Variants in GLRA3 observed in about 807,000 individuals in gnomAD.
GLRA3 encodes the protein glycine receptor alpha 3.
In GLRA3, 44 loss-of-function variants were observed where a neutral mutation model predicts 60.4. That is an observed-to-expected ratio of 0.73 (90% confidence interval 0.57 to 0.94). The LOEUF (loss-of-function observed/expected upper bound fraction) is 0.94, where lower values mean the gene tolerates loss of function less well. GLRA3 is among the 40% of genes least tolerant of loss of function. The pLI, the probability that GLRA3 is intolerant of heterozygous loss-of-function variation, is 0.00. For synonymous variants in GLRA3, 223 were observed against 192.9 expected, an observed-to-expected ratio of 1.16 and a Z score of -1.29; for missense variants, 508 against 564.6, an observed-to-expected ratio of 0.90 and a Z score of 1.02.
intron 2 of GLRA3, among the ~76,000 whole-genome samples, chr4:174,770,173 A>G (rs1738321654): frequency 6.6e-6 from 1 of 152,138 alleles, no homozygotes; most frequent in South Asian, 2.1e-4. Flanking sequence ...GGAAAAATCA[A>G]TAAAATTATT....
At chr4:174,797,189 T>A (rs1385605162) in intron 1 of GLRA3, among the ~76,000 whole-genome samples, 1 of 152,226 alleles carries the variant, frequency 6.6e-6, no homozygotes, top group African/African-American at 2.4e-5. Flanking sequence ...GAATTTTGGA[T>A]AAGAAACTTT....
chr4:174,752,588 A>C (rs1409903627), intron 3 of GLRA3, among the ~76,000 whole-genome samples: 1 of 152,112 alleles, frequency 6.6e-6, no homozygotes, highest in Non-Finnish European at 1.5e-5. Flanking sequence ...ACTATTCCGA[A>C]AGTTTGACGA....
At chr4:174,824,611 AT>A (rs1349268724) in intron 1 of GLRA3, among the ~76,000 whole-genome samples, 1 of 152,182 alleles carries the variant, frequency 6.6e-6, no homozygotes, top group Non-Finnish European at 1.5e-5. Flanking sequence ...CTTCAACTGA[AT>A]TTGACAGTCA....
chr4:174,811,385 G>A (rs1259995730), intron 1 of GLRA3, among the ~76,000 whole-genome samples: 4 of 152,024 alleles, frequency 2.6e-5, no homozygotes, highest in African/African-American at 9.7e-5. Flanking sequence ...AGAGTCACAA[G>A]AGTAATTATT....
At chr4:174,725,803 T>C (rs1426402103) in intron 4 of GLRA3, among the ~76,000 whole-genome samples, 5 of 152,198 alleles carry the variant, frequency 3.3e-5, no homozygotes, top group African/African-American at 1.2e-4. Flanking sequence ...CATTTGGATG[T>C]TGCTATCAGT....
intron 3 of GLRA3, among the ~76,000 whole-genome samples, chr4:174,743,879 C>T (rs959915284): frequency 3.3e-5 from 5 of 152,070 alleles, no homozygotes; most frequent in African/African-American, 1.2e-4. Flanking sequence ...AGCTCTGTGC[C>T]TGGGTTTATG....
At chr4:174,758,411 A>G (rs7689166) in intron 3 of GLRA3, among the ~76,000 whole-genome samples, 88,592 of 151,864 alleles carry the variant, frequency 0.58, 25,995 homozygotes, top group Middle Eastern at 0.73. Flanking sequence ...AATCTAATCT[A>G]TTCATAAGAA....
intron 1 of GLRA3, among the ~76,000 whole-genome samples, chr4:174,790,648 A>T (rs975287554): frequency 1.3e-5 from 2 of 151,756 alleles, no homozygotes; most frequent in Non-Finnish European, 1.5e-5. Context: ...ATTTATCTTG[A>T]CCTGAACCAA....
At chr4:174,656,538 C>T (rs1186694518) in intron 9 of GLRA3, among the ~76,000 whole-genome samples, 3 of 151,892 alleles carry the variant, frequency 2.0e-5, no homozygotes, top group African/African-American at 7.3e-5. Flanking sequence ...TTTAAATATC[C>T]TTTTATTGAT....
At chr4:174,818,898 A>C (rs572100749) in intron 1 of GLRA3, among the ~76,000 whole-genome samples, 1 of 152,326 alleles carries the variant, frequency 6.6e-6, no homozygotes, top group Admixed American at 6.5e-5. Flanking sequence ...TAGTTAATGC[A>C]TATTAGATTG....
At chr4:174,772,380 C>CT (rs1738425320) in intron 2 of GLRA3, among the ~76,000 whole-genome samples, 2 of 152,148 alleles carry the variant, frequency 1.3e-5, no homozygotes, top group Non-Finnish European at 2.9e-5. Context: ...CAGGCCTAAA[C>CT]TTTATTCTCC....
At chr4:174,728,446 G>C in intron 4 of GLRA3, 29 bp downstream of exon 4, 2 of 1,218,042 alleles carry the variant, frequency 1.6e-6, no homozygotes, top group Middle Eastern at 2.0e-4. Context: ...CTATTTCACT[G>C]AAATCGGCAA....
Position 174,653,901 on chromosome 4 carries a change from C to T in GLRA3, c.1116+2842G>A, listed in dbSNP as rs189177521. 6.6e-5 allele frequency among the ~76,000 whole-genome samples: 10 copies of T among 152,032 alleles called. No homozygotes were observed. The East Asian group carries it at 1.7e-3, about 26-fold the overall frequency. ...AGAATATAGCTATAAGAAATAGCTG[C>T]GTTTAACATAAACTAAATATCTAAA... On this transcript the variant is annotated intron_variant, in intron 9 of 9. Coordinates refer to ENST00000274093, the MANE Select transcript of GLRA3 (RefSeq NM_006529.4).
chr4:174,791,692 G>A (rs1420568881), intron 1 of GLRA3, among the ~76,000 whole-genome samples: 1 of 151,966 alleles, frequency 6.6e-6, no homozygotes, highest in Non-Finnish European at 1.5e-5. Flanking sequence ...CAATGTCTTT[G>A]CCTCCCTAAG....
chr4:174,729,886 A>G (rs985245967), intron 3 of GLRA3, among the ~76,000 whole-genome samples: 1 of 152,210 alleles, frequency 6.6e-6, no homozygotes, highest in Admixed American at 6.5e-5. Flanking sequence ...GTAACCAACC[A>G]ATCACAACGG....
chr4:174,769,636 A>T (rs966412941), intron 2 of GLRA3, among the ~76,000 whole-genome samples: 4 of 151,954 alleles, frequency 2.6e-5, no homozygotes, highest in African/African-American at 9.7e-5. Flanking sequence ...ATGACCTCCC[A>T]ATCATGCTAG....
intron 3 of GLRA3, among the ~76,000 whole-genome samples, chr4:174,738,686 T>C (rs34519068): frequency 0.044 from 6,655 of 152,310 alleles, 217 homozygotes; most frequent in Non-Finnish European, 0.064. Context: ...TTCTTTTCTC[T>C]GTAAAATTAG....
chr4:174,805,436 A>G (rs966657522), intron 1 of GLRA3, among the ~76,000 whole-genome samples: 8 of 152,102 alleles, frequency 5.3e-5, no homozygotes, highest in Non-Finnish European at 1.0e-4. Context: ...TGTTGTGAGA[A>G]CACTCAAGAA....
At chr4:174,686,084 C>T (rs1441050541) in intron 5 of GLRA3, among the ~76,000 whole-genome samples, 1 of 152,110 alleles carries the variant, frequency 6.6e-6, no homozygotes, top group Non-Finnish European at 1.5e-5. Context: ...ATTTCATAGT[C>T]ATACTATTCT....
Sources: allele counts gnomAD v4.1 joint callset (sites outside exome capture counted in the v4.1 genomes callset), GRCh38; gene constraint gnomAD v4.1.1; transcripts MANE v1.5; gene names NCBI Gene and HGNC (gene_info 2026-07-23, HGNC 2026-07-21).